Variants in ZAP70 observed in about 807,000 individuals in gnomAD.
The protein encoded by ZAP70 is tyrosine-protein kinase ZAP-70.
A neutral mutation model predicts 65.8 loss-of-function variants in ZAP70; 27 were observed. The ratio of observed to expected loss-of-function variants is 0.41; its 90% CI spans 0.30 to 0.57. The LOEUF is 0.57. Among genes scored for constraint, ZAP70 ranks in the 20% least tolerant of loss-of-function variants. The pLI, the probability that ZAP70 is intolerant of heterozygous loss-of-function variation, is 0.28. For missense variants in ZAP70, 696 were observed against 870.5 expected (o/e 0.80, Z 2.52); for synonymous variants, 363 against 360.8 (o/e 1.01, Z -0.07).
intron 2 of ZAP70, among the ~76,000 whole-genome samples, chr2:97,716,797 C>A (rs1676934040): frequency 6.6e-6 from 1 of 152,018 alleles, no homozygotes. Context: ...GAGGTGGGAG[C>A]CTAGAGGGCT....
In ZAP70 at chr2:97,724,169, G is replaced by A. The variant is rs1483668148; in HGVS notation, c.133G>A (p.Gly45Ser). ...LLRQCLRSLGGYVLSLVHDVR... is the reference protein window; with the variant it reads ...LLRQCLRSLGSYVLSLVHDVR... ...GCGCCAGTGCCTGCGCTCGCTGGGC[G>A]GCTATGTGCTGTCGCTCGTGCACGA... Residue 45 changes from glycine to serine, a missense_variant, in exon 3 of 14, where the codon GGC (glycine) becomes AGC (serine). Physicochemically the swap from Gly to Ser is moderately conservative, Grantham distance 56. Around this residue, in one of 3 missense-constraint regions of ZAP70, gnomAD observed 551 missense variants for 630.0 expected, o/e 0.87. Transcript: ENST00000264972. 1 of 1,587,028 alleles carries A rather than the reference G, an allele frequency of 6.3e-7. No individual in the cohort carries two copies. Among genetic ancestry groups the A allele is most frequent in the African/African-American group, 1.3e-5 (1 of 74,670 alleles).
Position 97,739,696 on chromosome 2 carries a change from G to C in ZAP70, c.*198G>C. 1.2e-6 allele frequency: 1 copy of C among 860,130 alleles called. No individual in the cohort carries two copies. The highest frequency in any genetic ancestry group is 1.7e-5 in the South Asian group (1 of 57,976). The allele number at this position is 860,130 out of a possible 1,614,324, so 53.3% of individuals were successfully genotyped here. On this transcript the variant is annotated 3_prime_UTR_variant, in exon 14 of 14. Coordinates refer to ENST00000264972, the MANE Select transcript of ZAP70 (RefSeq NM_001079.4). ...CTCTGGCTGGGGAGCAGGGAGGTCC[G>C]GGAGGGTGCGGCTGTGCAGCCTGTC...
Position 97,734,641 on chromosome 2 carries a change from C to T in ZAP70, c.1011C>T (p.Leu337=), listed in dbSNP as rs1485733900. The part of the protein sequence containing the change: ...DKKLFLKRDN[L]LIADIELGCG... ...AGCTCTTCCTGAAGCGCGATAACCTCCTCATAGCTGACATTGAACTTGGCT... is the reference window on the plus strand; with the variant it reads ...AGCTCTTCCTGAAGCGCGATAACCTTCTCATAGCTGACATTGAACTTGGCT... Residue 337 remains leucine, a synonymous_variant, in exon 9 of 14, where the codon CTC becomes CTT. Transcript: ENST00000264972. 8 of 1,614,122 alleles carry T rather than the reference C, an allele frequency of 5.0e-6. No homozygotes were observed. Among genetic ancestry groups the T allele is most frequent in the Non-Finnish European group, 6.8e-6 (8 of 1,180,040 alleles).
chr2:97,716,782 C>T (rs1247450080), intron 2 of ZAP70, among the ~76,000 whole-genome samples: 1 of 152,076 alleles, frequency 6.6e-6, no homozygotes, highest in African/African-American at 2.4e-5. Flanking sequence ...ATTTTCACCC[C>T]GAGTGAGGTG....
At position 97,739,383 on chromosome 2, in the gene ZAP70, A is replaced by G; in HGVS notation, c.1745A>G (p.Asp582Gly). 2.5e-6 allele frequency: 4 copies of G among 1,613,394 alleles called. No homozygotes were observed. Among genetic ancestry groups the G allele is most frequent in the Non-Finnish European group, 3.4e-6 (4 of 1,179,858 alleles). The change falls in exon 14 of 14, where the codon GAT becomes GGT. Residue 582 changes from aspartate to glycine, a missense_variant. By Grantham distance (94) the Asp-to-Gly change is moderately conservative. Transcript: ENST00000264972. ...MSDCWIYKWEDRPDFLTVEQR... is the reference protein window; with the variant it reads ...MSDCWIYKWEGRPDFLTVEQR... ...TACCCCACGCCCCACAGGTGGGAGG[A>G]TCGCCCCGACTTCCTGACCGTGGAG...
At chr2:97,735,133 C>T (rs995674792) in intron 9 of ZAP70, 117 bp from the exon 10 acceptor site, 14 of 1,291,260 alleles carry the variant, frequency 1.1e-5, no homozygotes, top group East Asian at 2.4e-5. Context: ...GCCTGGGTGG[C>T]GACTACAGTT....
chr2:97,718,764 C>T (rs143306945), intron 2 of ZAP70, among the ~76,000 whole-genome samples: 121 of 152,300 alleles, frequency 7.9e-4, no homozygotes, highest in Admixed American at 4.4e-3. Flanking sequence ...ACTGTGTTGG[C>T]GACAGTTTCC....
intron 2 of ZAP70, among the ~76,000 whole-genome samples, chr2:97,717,946 T>G (rs1677003938): frequency 6.6e-6 from 1 of 152,130 alleles, no homozygotes; most frequent in African/African-American, 2.4e-5. Context: ...GTGGGGCAGG[T>G]GCCCCGTGGC....
At chr2:97,721,811 C>T (rs1312989098) in intron 2 of ZAP70, among the ~76,000 whole-genome samples, 3 of 150,504 alleles carry the variant, frequency 2.0e-5, no homozygotes, top group Admixed American at 6.6e-5. Context: ...ATTGCTGTCT[C>T]GCACTGTCGC....
chr2:97,749,003 CCTTT>C, the ZAP70 span, among the ~76,000 whole-genome samples: 4 of 148,198 alleles, frequency 2.7e-5, no homozygotes, highest in Non-Finnish European at 5.9e-5. Flanking sequence ...GTGACACTTC[CCTTT>C]TTTTTTTTTT....
intron 8 of ZAP70, chr2:97,733,957 T>A: frequency 2.7e-6 from 1 of 375,534 alleles, no homozygotes; most frequent in Non-Finnish European, 5.0e-6. Flanking sequence ...ACTTTACAGA[T>A]GAGAGAGGGA....
chr2:97,736,408 G>A lies in ZAP70; in HGVS notation c.1289+952G>A, dbSNP rs1230568398. 6.6e-6 allele frequency among the ~76,000 whole-genome samples: 1 copy of A among 152,194 alleles called. No individual in the cohort carries two copies. The highest frequency in any genetic ancestry group is 2.4e-5 in the African/African-American group (1 of 41,440). ...GCACACACCTTCCCAGTGTGCCCCT[G>A]GCTCCCACATTCAGTCATTTGACAG... On this transcript the variant is annotated intron_variant, in intron 10 of 13. Coordinates refer to ENST00000264972, the MANE Select transcript of ZAP70 (RefSeq NM_001079.4). This position sits in a 1 kb window ranked among gnomAD's most constrained non-coding sequence, Gnocchi z 4.0.
At chr2:97,721,580 ATTT>A (rs796509420) in intron 2 of ZAP70, among the ~76,000 whole-genome samples, 5 of 81,166 alleles carry the variant, frequency 6.2e-5, no homozygotes, top group African/African-American at 1.8e-4. Context: ...TGGCTGGCTG[ATTT>A]TTTTTTTTTT....
the ZAP70 span, among the ~76,000 whole-genome samples, chr2:97,751,782 C>T: frequency 2.0e-5 from 3 of 152,138 alleles, no homozygotes; most frequent in Admixed American, 6.5e-5. Context: ...AGGAGAGCCC[C>T]GTGCAGACCA....
At chr2:97,735,081 C>T in intron 9 of ZAP70, 169 bp from the exon 10 acceptor site, 1 of 803,544 alleles carries the variant, frequency 1.2e-6, no homozygotes, top group Non-Finnish European at 2.0e-6. Context: ...CCGTCCTCAG[C>T]AGACGCTCCA....
the ZAP70 span, among the ~76,000 whole-genome samples, chr2:97,751,418 A>G: frequency 1.3e-5 from 2 of 152,230 alleles, no homozygotes; most frequent in African/African-American, 2.4e-5. Flanking sequence ...ATGAATTCAT[A>G]AGAAGCAACA....
Position 97,739,662 on chromosome 2 carries a change from C to T in ZAP70, c.*164C>T. The T allele has an allele frequency of 1.8e-6, 2 of 1,128,128 alleles. No homozygotes were observed. The highest frequency in any genetic ancestry group is 2.5e-6 in the Non-Finnish European group (2 of 804,070). 69.9% of individuals were successfully genotyped at this position (1,128,128 alleles called of 1,614,324 possible). On this transcript the variant is annotated 3_prime_UTR_variant, in exon 14 of 14. Coordinates refer to ENST00000264972, the MANE Select transcript of ZAP70 (RefSeq NM_001079.4). Reference sequence around the variant, plus strand: ...CCGGCCTTGCATTGCCTGCCTGGCCCCCTGTCCTCTCTGGCTGGGGAGCAG... The same window carrying T: ...CCGGCCTTGCATTGCCTGCCTGGCCTCCTGTCCTCTCTGGCTGGGGAGCAG...
intron 13 of ZAP70, 64 bp downstream of exon 13, chr2:97,738,171 G>A: frequency 1.4e-6 from 2 of 1,451,964 alleles, no homozygotes; most frequent in Non-Finnish European, 1.9e-6. Context: ...TGCCCGATGA[G>A]TTGATGTCAA....
rs1247841544 is a variant in ZAP70 at position 97,731,996 on chromosome 2, T to G, written c.564-887T>G. ...CCAGACAAAACTGTTGTGTGGGGGA[T>G]GCTGACTGGTGTCACTGTGGGGCTT... On this transcript the variant is annotated intron_variant, in intron 4 of 13. Transcript: ENST00000264972. The surrounding 1 kb of genome is among the most constrained non-coding windows in gnomAD (Gnocchi z 4.0). Among the ~76,000 whole-genome samples, 1 of 152,148 alleles carries G rather than the reference T, an allele frequency of 6.6e-6. No individual in the cohort carries two copies. The highest frequency in any genetic ancestry group is 2.4e-5 in the African/African-American group (1 of 41,422).
Sources: allele counts gnomAD v4.1 joint callset (sites outside exome capture counted in the v4.1 genomes callset), GRCh38; gene constraint gnomAD v4.1.1; regional missense constraint gnomAD v4.1.1; non-coding constraint Gnocchi (gnomAD v3.1); transcripts MANE v1.5; gene names NCBI Gene and HGNC (gene_info 2026-07-23, HGNC 2026-07-21).